The following AP3B1 variants were observed in gnomAD, a reference collection of about 807,000 sequenced individuals.
The protein encoded by AP3B1 is adaptor related protein complex 3 subunit beta 1.
A neutral mutation model predicts 132.5 loss-of-function variants in AP3B1; 61 were observed. The observed-to-expected ratio is 0.46, with a 90% CI of 0.37 to 0.57. The LOEUF (loss-of-function observed/expected upper bound fraction) is 0.57. AP3B1 is among the 20% of genes least tolerant of loss of function. AP3B1 has a pLI of 0.00. For missense variants in AP3B1, 1,120 were observed against 1,289.4 expected (o/e 0.87, Z 2.01); for synonymous variants, 388 against 438.3 (o/e 0.89, Z 1.43).
rs931449825 is a variant in AP3B1 at position 78,002,485 on chromosome 5, C to T, written c.*417G>A. On this transcript the variant is annotated 3_prime_UTR_variant, in exon 27 of 27. Coordinates refer to ENST00000255194, the MANE Select transcript of AP3B1 (RefSeq NM_003664.5). ...TAAAAAGTATGTGATCTCATTTTCA[C>T]ATACCAAGCTGAGAGGCCATTTAGA... 1 of 436,994 alleles carries T rather than the reference C, an allele frequency of 2.3e-6. No homozygotes were observed. The highest frequency in any genetic ancestry group is 4.0e-6 in the Non-Finnish European group (1 of 249,222). 27.1% of individuals were successfully genotyped at this position (436,994 alleles called of 1,614,324 possible).
At chr5:78,207,557 T>A (rs1580486671) in intron 7 of AP3B1, among the ~76,000 whole-genome samples, 1 of 151,748 alleles carries the variant, frequency 6.6e-6, no homozygotes. Context: ...AGAAAAAAAA[T>A]GTAAACATCG....
intron 23 of AP3B1, among the ~76,000 whole-genome samples, chr5:78,035,343 C>T (rs968558511): frequency 1.3e-5 from 2 of 151,926 alleles, no homozygotes; most frequent in Admixed American, 6.6e-5. Flanking sequence ...TGTATAATTG[C>T]AGCTATACCA....
In AP3B1 at chr5:78,037,299, A is replaced by G. The variant is rs908475151; in HGVS notation, c.2809+1744T>C. 2.0e-5 allele frequency among the ~76,000 whole-genome samples: 3 copies of G among 152,134 alleles called. No homozygotes were observed. In the East Asian group the frequency reaches 5.8e-4, roughly 29 times the overall value. Reference sequence around the variant, plus strand: ...TCAGCTGCTTGACACTTCCTAAACTAATTTTTTTTAACTAGGTAAAAAAGG... The same window carrying G: ...TCAGCTGCTTGACACTTCCTAAACTGATTTTTTTTAACTAGGTAAAAAAGG... On this transcript the variant is annotated intron_variant, in intron 23 of 26. Transcript: ENST00000255194.
At chr5:78,076,812 A>T (rs151174482) in intron 22 of AP3B1, among the ~76,000 whole-genome samples, 1 of 152,298 alleles carries the variant, frequency 6.6e-6, no homozygotes, top group East Asian at 1.9e-4. Flanking sequence ...TAGTCCATGC[A>T]TATTGCCAGA....
intron 12 of AP3B1, among the ~76,000 whole-genome samples, chr5:78,164,227 T>C (rs1303600487): frequency 6.6e-6 from 1 of 152,088 alleles, no homozygotes; most frequent in African/African-American, 2.4e-5. Context: ...AGCGTAACTA[T>C]GAGCATAACA....
rs550730187 is a variant in AP3B1 at position 78,238,259 on chromosome 5, T to C, written c.279+2603A>G. Among the ~76,000 whole-genome samples, 342 of 152,312 alleles carry C rather than the reference T, an allele frequency of 2.2e-3. 1 individual carries two copies. The highest frequency in any genetic ancestry group is 8.1e-3 in the African/African-American group (336 of 41,574). ...TATGAGAATCTAACGCCTGATGATC[T>C]GTCACTGTCTCCCATCACACCCCAG... On this transcript the variant is annotated intron_variant, in intron 3 of 26. Coordinates refer to ENST00000255194, the MANE Select transcript of AP3B1 (RefSeq NM_003664.5).
chr5:78,253,611 A>G (rs1747728059), intron 2 of AP3B1, among the ~76,000 whole-genome samples: 1 of 152,238 alleles, frequency 6.6e-6, no homozygotes. Flanking sequence ...TCAGATACAG[A>G]ATTCAAAATA....
At chr5:78,294,380 C>G in intron 1 of AP3B1, 72 bp downstream of exon 1, 1 of 1,609,140 alleles carries the variant, frequency 6.2e-7, no homozygotes, top group Admixed American at 1.7e-5. Flanking sequence ...CCAGGAAGCC[C>G]ACCCTGGCGC....
chr5:78,085,571 C>T (rs1580326392), intron 22 of AP3B1, among the ~76,000 whole-genome samples: 1 of 152,158 alleles, frequency 6.6e-6, no homozygotes, highest in Non-Finnish European at 1.5e-5. Flanking sequence ...CGAGTAAGCA[C>T]TATTCTGATT....
chr5:78,165,458 T>A lies in AP3B1; in HGVS notation c.1230+152A>T, dbSNP rs1743574122. The A allele has an allele frequency of 4.7e-6, 3 of 632,110 alleles. No homozygotes were observed. In the East Asian group the frequency reaches 8.5e-5, roughly 18 times the overall value. 39.2% of individuals were successfully genotyped at this position (632,110 alleles called of 1,614,324 possible). On this transcript the variant is annotated intron_variant, in intron 12 of 26. Transcript: ENST00000255194. ...CTTAAATTATAAATTGTAATTAGTT[T>A]ATTCTTGCAAATTTATGAATTTCTT... is the stretch of plus-strand genomic sequence containing the variant.
At chr5:78,150,015 G>C (rs1753578363) in intron 14 of AP3B1, among the ~76,000 whole-genome samples, 1 of 151,808 alleles carries the variant, frequency 6.6e-6, no homozygotes, top group African/African-American at 2.4e-5. Context: ...TTTGCCACCA[G>C]AGATATTTAA....
intron 22 of AP3B1, among the ~76,000 whole-genome samples, chr5:78,068,087 G>A (rs1239671898): frequency 1.3e-5 from 2 of 152,144 alleles, no homozygotes; most frequent in Non-Finnish European, 2.9e-5. Flanking sequence ...CACTTTGGGA[G>A]GCCAAAGTGG....
At chr5:78,248,787 C>T (rs1027572821) in intron 2 of AP3B1, among the ~76,000 whole-genome samples, 9 of 152,076 alleles carry the variant, frequency 5.9e-5, no homozygotes, top group South Asian at 2.1e-4. Context: ...ATTTCATCTT[C>T]GTTCTTGAAG....
chr5:78,129,694 AAC>A (rs1752612023), intron 15 of AP3B1, among the ~76,000 whole-genome samples: 1 of 152,140 alleles, frequency 6.6e-6, no homozygotes, highest in African/African-American at 2.4e-5. Flanking sequence ...AGGACATCAA[AAC>A]ATCAGAAAGT....
intron 22 of AP3B1, among the ~76,000 whole-genome samples, chr5:78,077,191 T>C (rs906250172): frequency 2.6e-5 from 4 of 152,206 alleles, no homozygotes; most frequent in African/African-American, 9.7e-5. Flanking sequence ...CTTTTGCATT[T>C]TGAAATGATC....
intron 1 of AP3B1, among the ~76,000 whole-genome samples, chr5:78,288,912 C>A (rs1749393261): frequency 6.7e-6 from 1 of 149,334 alleles, no homozygotes. Flanking sequence ...AGAGCAAGCT[C>A]TAAACAACTA....
intron 2 of AP3B1, among the ~76,000 whole-genome samples, chr5:78,260,204 C>A (rs963641992): frequency 2.0e-5 from 3 of 152,058 alleles, no homozygotes; most frequent in African/African-American, 7.2e-5. Flanking sequence ...GAAACCTGTT[C>A]CGACAGGCAA....
At chr5:78,205,066 T>C (rs1046212593) in intron 7 of AP3B1, among the ~76,000 whole-genome samples, 39 of 152,314 alleles carry the variant, frequency 2.6e-4, no homozygotes, top group Admixed American at 7.8e-4. Flanking sequence ...AAACAACTTA[T>C]CTGTTTCTCT....
intron 11 of AP3B1, among the ~76,000 whole-genome samples, chr5:78,166,068 C>T (rs558907201): frequency 1.0e-4 from 15 of 149,858 alleles, no homozygotes; most frequent in East Asian, 2.0e-4. Flanking sequence ...TGCAGTGAGC[C>T]GAGATCGCGC....
Sources: gnomAD v4.1 joint callset for allele counts (sites outside exome capture counted in the v4.1 genomes callset) on GRCh38, gnomAD v4.1.1 for gene constraint, MANE v1.5 for transcripts, NCBI Gene and HGNC (gene_info 2026-07-23, HGNC 2026-07-21) for gene names.